PTPRS: variants seen among roughly 807,000 people sequenced by gnomAD.
PTPRS encodes the protein receptor-type tyrosine-protein phosphatase S.
A neutral mutation model predicts 215.3 loss-of-function variants in PTPRS; 63 were observed. The observed-to-expected ratio is 0.29, with a 90% CI of 0.24 to 0.36. The LOEUF (loss-of-function observed/expected upper bound fraction) is 0.36, where lower values mean the gene tolerates loss of function less well. Among genes scored for constraint, PTPRS ranks in the 10% least tolerant of loss-of-function variants. The probability of loss-of-function intolerance (pLI) is 1.00; values close to 1 mark genes in which losing one functional copy is unlikely to be tolerated. For synonymous variants in PTPRS, 1,404 were observed against 1,191.4 expected (o/e 1.18, Z -3.68); for missense variants, 2,258 against 2,825.8 (o/e 0.80, Z 4.56).
chr19:5,210,496 C>T lies in PTPRS; in HGVS notation c.5460G>A (p.Leu1820=). ...GGGCATCTGTGACCTTGAACTCTCG[C>T]AGGATATACTGAGGCATGTTGTATT... The part of the protein sequence containing the change: ...MAEYNMPQYI[L]REFKVTDARD... The change falls in exon 35 of 38, where the codon CTG becomes CTA. Residue 1820 remains leucine, a synonymous_variant. Transcript: ENST00000262963. The surrounding 1 kb of genome is among the most constrained non-coding windows in gnomAD (Gnocchi z 4.5). 6.2e-7 allele frequency: 1 copy of T among 1,614,212 alleles called. No homozygotes were observed. The highest frequency in any genetic ancestry group is 8.5e-7 in the Non-Finnish European group (1 of 1,180,042).
Position 5,223,020 on chromosome 19 carries a change from C to A in PTPRS, c.2772G>T (p.Pro924=), listed in dbSNP as rs753043158. 8 of 1,544,970 alleles carry A rather than the reference C, an allele frequency of 5.2e-6. No homozygotes were observed. The East Asian group carries it at 1.9e-4, about 38-fold the overall frequency. ...GCGGGTGGCCACGGGGCGTGTCCTCCGGGATGCTCAGGACCTCGGCTGCCT... is the reference window on the plus strand; with the variant it reads ...GCGGGTGGCCACGGGGCGTGTCCTCAGGGATGCTCAGGACCTCGGCTGCCT... ...GEEAAEVLSI[P]EDTPRGHPQI... The change falls in exon 18 of 38, where the codon CCG becomes CCT. Residue 924 remains proline, a synonymous_variant. Coordinates refer to ENST00000262963, the MANE Select transcript of PTPRS (RefSeq NM_002850.4).
chr19:5,286,964 C>T (rs1448026551), intron 1 of PTPRS, among the ~76,000 whole-genome samples: 4 of 152,208 alleles, frequency 2.6e-5, no homozygotes, highest in Admixed American at 6.5e-5. Flanking sequence ...GGACTCCAGA[C>T]TATGCTGCTG....
chr19:5,331,019 C>T (rs2050305932), intron 1 of PTPRS, among the ~76,000 whole-genome samples: 1 of 151,928 alleles, frequency 6.6e-6, no homozygotes, highest in East Asian at 1.9e-4. Flanking sequence ...CGTTCTGGCC[C>T]CGCGAGACGT....
chr19:5,230,068 G>A (rs1008815257), intron 14 of PTPRS, among the ~76,000 whole-genome samples: 2 of 152,182 alleles, frequency 1.3e-5, no homozygotes, highest in African/African-American at 4.8e-5. Context: ...TGTGATCACA[G>A]CCTTAGCAAG....
intron 9 of PTPRS, among the ~76,000 whole-genome samples, chr19:5,247,442 G>A (rs10420529): frequency 0.33 from 49,382 of 151,864 alleles, 8,449 homozygotes; most frequent in Non-Finnish European, 0.36. Context: ...GCTGGCCCAC[G>A]GGGGCTGTTT....
In PTPRS at chr19:5,222,867, C is replaced by A; in HGVS notation, c.2925G>T (p.Leu975=). 1 of 1,586,242 alleles carries A rather than the reference C, an allele frequency of 6.3e-7. No individual in the cohort carries two copies. The highest frequency in any genetic ancestry group is 8.5e-7 in the Non-Finnish European group (1 of 1,172,478). The change falls in exon 18 of 38, where the codon CTG becomes CTT. Residue 975 remains leucine (L), a synonymous_variant. Transcript: ENST00000262963. ...YTVAVREAGA[L]GPARETELPA... ...GCAGCTCAGTCTCTCGGGCAGGGCC[C>A]AGGGCACCGGCCTCCCGCACGGCCA...
At chr19:5,337,524 G>A (rs538759715) in intron 1 of PTPRS, among the ~76,000 whole-genome samples, 1 of 152,344 alleles carries the variant, frequency 6.6e-6, no homozygotes, top group Admixed American at 6.5e-5. Flanking sequence ...GCTGCCCTCA[G>A]ACATCTGTGA....
At chr19:5,262,682 A>G (rs1215556448) in intron 6 of PTPRS, among the ~76,000 whole-genome samples, 2 of 152,168 alleles carry the variant, frequency 1.3e-5, no homozygotes, top group African/African-American at 2.4e-5. Context: ...CTGCATTTTG[A>G]GGTCTGCCTG....
rs768666934 is a variant in PTPRS at position 5,262,988 on chromosome 19, A to C, written c.569-16T>G. ...CCAAAGGTTTCTGAACGTTTACAAC[A>C]GGAGGATAAGAAAAGAGAACAGGAA... On this transcript the variant is annotated splice_polypyrimidine_tract_variant and intron_variant, in intron 5 of 37. Coordinates refer to ENST00000262963, the MANE Select transcript of PTPRS (RefSeq NM_002850.4). 9 of 1,374,652 alleles carry C rather than the reference A, an allele frequency of 6.5e-6. No homozygotes were observed. Among genetic ancestry groups the C allele is most frequent in the Non-Finnish European group, 7.8e-6 (8 of 1,031,742 alleles). The allele number at this position is 1,374,652 out of a possible 1,614,324, so 85.2% of individuals were successfully genotyped here.
intron 1 of PTPRS, among the ~76,000 whole-genome samples, chr19:5,329,906 G>A (rs991032777): frequency 6.6e-6 from 1 of 151,904 alleles, no homozygotes; most frequent in Non-Finnish European, 1.5e-5. Context: ...CTGAAACTCT[G>A]TCTCTACCAA....
intron 5 of PTPRS, 42 bp from the exon 6 acceptor site, chr19:5,263,014 C>G: frequency 7.7e-7 from 1 of 1,297,206 alleles, no homozygotes; most frequent in Non-Finnish European, 1.0e-6. Context: ...AGAACAGGAA[C>G]GTTAACGGGT....
At chr19:5,220,231 G>T in intron 21 of PTPRS, 29 bp downstream of exon 21, 2 of 1,611,126 alleles carry the variant, frequency 1.2e-6, no homozygotes, top group Non-Finnish European at 1.7e-6. Flanking sequence ...ATGCATCTGG[G>T]CCCTGCGGGT....
rs116660613 is a variant in PTPRS at position 5,214,655 on chromosome 19, G to A, written c.4400C>T (p.Pro1467Leu). Residue 1467 changes from proline to leucine, a missense_variant, in exon 29 of 38, where the codon CCG becomes CTG. Physicochemically the swap from Pro to Leu is moderately conservative, Grantham distance 98. Coordinates refer to ENST00000262963, the MANE Select transcript of PTPRS (RefSeq NM_002850.4). ...GAAGTCCCCAAAGGTCTCAGGCAGC[G>A]GCCCCTGCGTGGCAATGTACGCGTT... ...CQNAYIATQG[P>L]LPETFGDFWR... The A allele has an allele frequency of 1.1e-5, 18 of 1,613,168 alleles. No individual in the cohort carries two copies. The highest frequency in any genetic ancestry group is 2.7e-5 in the African/African-American group (2 of 75,068).
At chr19:5,322,879 C>CAAAAAA (rs60988670) in intron 1 of PTPRS, among the ~76,000 whole-genome samples, 9 of 65,886 alleles carry the variant, frequency 1.4e-4, no homozygotes, top group African/African-American at 2.0e-4. Context: ...AACTCCGTCT[C>CAAAAAA]AAAAAAAAAA....
chr19:5,261,839 C>T (rs2046017916), intron 6 of PTPRS, among the ~76,000 whole-genome samples: 2 of 152,318 alleles, frequency 1.3e-5, no homozygotes, highest in African/African-American at 4.8e-5. Flanking sequence ...TCTCGTGAGG[C>T]CACTCTGCAC....
intron 26 of PTPRS, among the ~76,000 whole-genome samples, chr19:5,216,378 A>G (rs1289864921): frequency 1.1e-4 from 17 of 152,152 alleles, no homozygotes; most frequent in African/African-American, 3.9e-4. Context: ...GTAACATTTA[A>G]TGTTCTGAGA....
At chr19:5,321,980 A>G (rs1438536421) in intron 1 of PTPRS, among the ~76,000 whole-genome samples, 1 of 152,232 alleles carries the variant, frequency 6.6e-6, no homozygotes, top group Non-Finnish European at 1.5e-5. Context: ...TGAGGCTCAG[A>G]GAAATTTAAC....
chr19:5,308,974 C>T (rs761423648), intron 1 of PTPRS, among the ~76,000 whole-genome samples: 3 of 152,134 alleles, frequency 2.0e-5, no homozygotes, highest in Admixed American at 6.6e-5. Context: ...CAAAAGGAAC[C>T]CTGGGTGTAG....
chr19:5,220,245 G>C lies in PTPRS; in HGVS notation c.3549+15C>G, dbSNP rs558274455. 1.7e-5 allele frequency: 28 copies of C among 1,612,650 alleles called. No homozygotes were observed. Among genetic ancestry groups the C allele is most frequent in the Non-Finnish European group, 2.2e-5 (26 of 1,179,214 alleles). ...AATGCATCTGGGCCCTGCGGGTTGG[G>C]CCCCAGGCCCTCACCTCTTCCAGAT... On this transcript the variant is annotated intron_variant, in intron 21 of 37. Coordinates refer to ENST00000262963, the MANE Select transcript of PTPRS (RefSeq NM_002850.4).
Sources: allele counts gnomAD v4.1 joint callset (sites outside exome capture counted in the v4.1 genomes callset), GRCh38; gene constraint gnomAD v4.1.1; non-coding constraint Gnocchi (gnomAD v3.1); transcripts MANE v1.5; gene names NCBI Gene and HGNC (gene_info 2026-07-23, HGNC 2026-07-21).